The following WDR72 variants were observed in gnomAD, a reference collection of about 807,000 sequenced individuals.
WDR72 encodes WD repeat-containing protein 72.
In WDR72, 120 loss-of-function variants were observed where a neutral mutation model predicts 124.2. The ratio of observed to expected loss-of-function variants is 0.97; its 90% CI spans 0.83 to 1.12. WDR72 has a LOEUF of 1.12. Among genes scored for constraint, WDR72 ranks in the 50% most tolerant of loss-of-function variants. The probability of loss-of-function intolerance (pLI) is 0.00; values close to 1 mark genes in which losing one functional copy is unlikely to be tolerated. For synonymous variants in WDR72, 452 were observed against 441.7 expected (o/e 1.02, Z -0.29); for missense variants, 1,387 against 1,278.8 (o/e 1.08, Z -1.29).
chr15:53,691,357 C>CATA lies in WDR72; in HGVS notation c.1765+8392_1765+8393insTAT, dbSNP rs533757303. Reference sequence around the variant, plus strand: ...TGAGCCACCTTGTCCAGCCCTATGTCCTCTGCAGAATTGAGTGGCTCGTCT... The same window carrying CATA: ...TGAGCCACCTTGTCCAGCCCTATGTCATACTCTGCAGAATTGAGTGGCTCGTCT... On this transcript the variant is annotated intron_variant, in intron 13 of 19. Transcript: ENST00000360509. Among the ~76,000 whole-genome samples, 13 of 152,260 alleles carry CATA rather than the reference C, an allele frequency of 8.5e-5. No homozygotes were observed. In the South Asian group the frequency reaches 2.7e-3, roughly 32 times the overall value.
chr15:53,529,461 A>C (rs1892329803), intron 18 of WDR72, among the ~76,000 whole-genome samples: 1 of 151,834 alleles, frequency 6.6e-6, no homozygotes, highest in Non-Finnish European at 1.5e-5. Flanking sequence ...AGACCAACCA[A>C]CTACTGAGTA....
Position 53,514,330 on chromosome 15 carries a change from C to T in WDR72, c.*3369G>A, listed in dbSNP as rs1172923279. 6.6e-6 allele frequency: 1 copy of T among 152,086 alleles called. No individual in the cohort carries two copies. Among genetic ancestry groups the T allele is most frequent in the Non-Finnish European group, 1.5e-5 (1 of 68,028 alleles). The allele number at this position is 152,086 out of a possible 1,614,324, so 9.4% of individuals were successfully genotyped here. On this transcript the variant is annotated 3_prime_UTR_variant, in exon 20 of 20. Coordinates refer to ENST00000360509, the MANE Select transcript of WDR72 (RefSeq NM_182758.4). ...AAATTTAAAAAATTGAATGAGTCCA[C>T]TCTGTGAAAATAAGGCTTTAAAATC...
At chr15:53,533,302 G>A (rs7174001) in intron 18 of WDR72, among the ~76,000 whole-genome samples, 122,532 of 151,948 alleles carry the variant, frequency 0.81, 50,436 homozygotes, top group East Asian at 0.91. Context: ...ATCTGAAGAA[G>A]AGTATATTTG....
chr15:53,672,684 G>T (rs2016037538), intron 13 of WDR72, among the ~76,000 whole-genome samples: 1 of 152,086 alleles, frequency 6.6e-6, no homozygotes, highest in Non-Finnish European at 1.5e-5. Flanking sequence ...CCCAAATGAT[G>T]AAAAAGATCT....
chr15:53,684,764 GACAA>G (rs1304896826), intron 13 of WDR72: 5 of 152,824 alleles, frequency 3.3e-5, no homozygotes, highest in Admixed American at 2.6e-4. Flanking sequence ...GCAGGGCACA[GACAA>G]ACAAAAAAGA....
rs1467125762 is a variant in WDR72 at position 53,597,168 on chromosome 15, C to G, written c.3059G>C (p.Gly1020Ala). The G allele has an allele frequency of 1.9e-6, 3 of 1,613,840 alleles. No homozygotes were observed. The highest frequency in any genetic ancestry group is 2.5e-6 in the Non-Finnish European group (3 of 1,179,912). ...NSQPVSMAEN[G>A]NCEMKQMLPK... ...CAGCATCTGCTTCATCTCACAGTTA[C>G]CATTCTCTGCCATGGACACTGGTTG... Residue 1020 changes from glycine to alanine, a missense_variant, in exon 18 of 20, where the codon GGT becomes GCT. By Grantham distance (60) the Gly-to-Ala change is moderately conservative (BLOSUM62 0). Coordinates refer to ENST00000360509, the MANE Select transcript of WDR72 (RefSeq NM_182758.4).
rs200746058 is a variant in WDR72 at position 53,706,032 on chromosome 15, T to A, written c.997A>T (p.Lys333Ter). The change falls in exon 10 of 20, where the codon AAA becomes TAA. Residue 333 changes from lysine (K) to a stop codon, truncating the protein, a stop_gained. Coordinates refer to ENST00000360509, the MANE Select transcript of WDR72 (RefSeq NM_182758.4). LOFTEE classifies it high-confidence loss of function. Reference protein sequence around the residue: ...PFVMGYMNERKEPFYKVLFSG... With the variant: ...PFVMGYMNER Reference sequence around the variant, plus strand: ...AAAAGTACCTTGTAAAAAGGCTCTTTCCTTTCATTCATGTAGCCCATAACA... The same window carrying A: ...AAAAGTACCTTGTAAAAAGGCTCTTACCTTTCATTCATGTAGCCCATAACA... 121 of 1,614,058 alleles carry A rather than the reference T, an allele frequency of 7.5e-5. No homozygotes were observed. The highest frequency in any genetic ancestry group is 7.9e-5 in the Non-Finnish European group (93 of 1,179,992).
intron 14 of WDR72, among the ~76,000 whole-genome samples, chr15:53,657,708 C>T (rs1220369717): frequency 6.6e-6 from 1 of 152,026 alleles, no homozygotes; most frequent in Non-Finnish European, 1.5e-5. Flanking sequence ...AATATTTATT[C>T]ACTGAAAAAT....
intron 13 of WDR72, among the ~76,000 whole-genome samples, chr15:53,674,185 G>A (rs1251098008): frequency 2.0e-5 from 3 of 152,122 alleles, no homozygotes; most frequent in Non-Finnish European, 2.9e-5. Flanking sequence ...AAGTGATTAA[G>A]AGGACAATAT....
intron 3 of WDR72, among the ~76,000 whole-genome samples, chr15:53,717,948 G>A (rs180910636): frequency 6.6e-6 from 1 of 152,014 alleles, no homozygotes; most frequent in Non-Finnish European, 1.5e-5. Flanking sequence ...AATAAGATTG[G>A]GAGGAAGGTA....
intron 14 of WDR72, among the ~76,000 whole-genome samples, chr15:53,639,492 A>ATTTATTTATAAAATTATATATAAT (rs2014753947): frequency 2.1e-5 from 3 of 145,516 alleles, no homozygotes; most frequent in Non-Finnish European, 4.5e-5. Context: ...ATATAATTTT[A>ATTTATTTATAAAATTATATATAAT]TTTATTTATA....
intron 18 of WDR72, among the ~76,000 whole-genome samples, chr15:53,550,500 A>C (rs1020723516): frequency 2.0e-5 from 3 of 152,218 alleles, no homozygotes; most frequent in Admixed American, 2.0e-4. Flanking sequence ...ATCTCTGAGC[A>C]TAAGATTATA....
At position 53,517,611 on chromosome 15, in the gene WDR72, C is replaced by A; in HGVS notation, c.*88G>T. On this transcript the variant is annotated 3_prime_UTR_variant, in exon 20 of 20. Transcript: ENST00000360509. ...TACAGCCTAATAACTTGACCAATAA[C>A]AACAATGCTTTTATACAGTAATAAA... 3 of 1,402,784 alleles carry A rather than the reference C, an allele frequency of 2.1e-6. No homozygotes were observed. The highest frequency in any genetic ancestry group is 1.0e-6 in the Non-Finnish European group (1 of 988,990). 86.9% of individuals were successfully genotyped at this position (1,402,784 alleles called of 1,614,324 possible).
At chr15:53,686,360 A>C (rs1184818355) in intron 13 of WDR72, among the ~76,000 whole-genome samples, 1 of 151,892 alleles carries the variant, frequency 6.6e-6, no homozygotes, top group Non-Finnish European at 1.5e-5. Context: ...AAAAGGATGG[A>C]GGAAAATCTA....
intron 18 of WDR72, among the ~76,000 whole-genome samples, chr15:53,596,174 A>G (rs1375759281): frequency 2.0e-5 from 3 of 152,186 alleles, no homozygotes; most frequent in African/African-American, 7.2e-5. Context: ...GAAGTACTTA[A>G]CAATTTAACC....
intron 18 of WDR72, among the ~76,000 whole-genome samples, chr15:53,559,739 AG>A (rs751153122): frequency 3.3e-5 from 5 of 151,978 alleles, no homozygotes; most frequent in Non-Finnish European, 5.9e-5. Context: ...AAAAAGAGAA[AG>A]AAAAATCATT....
intron 14 of WDR72, among the ~76,000 whole-genome samples, chr15:53,620,102 G>A (rs574545024): frequency 1.8e-4 from 28 of 152,008 alleles, no homozygotes; most frequent in South Asian, 1.0e-3. Context: ...ACTCTTTAAT[G>A]CAGAAATTAT....
intron 14 of WDR72, among the ~76,000 whole-genome samples, chr15:53,648,710 C>T (rs1185945914): frequency 6.6e-6 from 1 of 151,910 alleles, no homozygotes; most frequent in East Asian, 1.9e-4. Flanking sequence ...TTCAATTCAA[C>T]ACATACTTAT....
At chr15:53,632,341 G>A (rs1484255490) in intron 14 of WDR72, among the ~76,000 whole-genome samples, 1 of 152,056 alleles carries the variant, frequency 6.6e-6, no homozygotes, top group Non-Finnish European at 1.5e-5. Flanking sequence ...CTGAAGATGT[G>A]CAGAATGCAA....
Sources: allele counts gnomAD v4.1 joint callset (sites outside exome capture counted in the v4.1 genomes callset), GRCh38; gene constraint gnomAD v4.1.1; transcripts MANE v1.5; gene names NCBI Gene and HGNC (gene_info 2026-07-23, HGNC 2026-07-21).